Variants in PCDHGB7 observed in about 807,000 individuals in gnomAD.
The protein encoded by PCDHGB7 is protocadherin gamma-B7.
In PCDHGB7, 37 loss-of-function variants were observed where a neutral mutation model predicts 61.4. The observed-to-expected ratio is 0.60, with a 90% CI of 0.46 to 0.79. PCDHGB7 has a LOEUF of 0.79. Among genes scored for constraint, PCDHGB7 ranks in the 30% least tolerant of loss-of-function variants. PCDHGB7 has a pLI of 0.00. For missense variants in PCDHGB7, 1,166 were observed against 1,202.5 expected (o/e 0.97, Z 0.45); for synonymous variants, 464 against 503.5 (o/e 0.92, Z 1.05).
At chr5:141,436,425 G>A (rs2097823674) in intron 1 of PCDHGB7, among the ~76,000 whole-genome samples, 2 of 152,268 alleles carry the variant, frequency 1.3e-5, no homozygotes, top group Non-Finnish European at 2.9e-5. Context: ...AACAAATAAT[G>A]TACTCTGGGG....
In PCDHGB7 at chr5:141,417,784, G is replaced by T; in HGVS notation, c.-76G>T. ...CCCGGGACTCCTCCTGTCCTGGGCC[G>T]AATGCTCTTTTAGCGCGGTAGAGTG... On this transcript the variant is annotated 5_prime_UTR_variant, in exon 1 of 4. Transcript: ENST00000398594. 2 of 1,474,908 alleles carry T rather than the reference G, an allele frequency of 1.4e-6. No homozygotes were observed. The highest frequency in any genetic ancestry group is 9.0e-7 in the Non-Finnish European group (1 of 1,111,010). 91.4% of individuals were successfully genotyped at this position (1,474,908 alleles called of 1,614,324 possible). A position where few individuals can be genotyped will look rare whatever the true frequency, so the allele number is the denominator to read the frequency against.
At chr5:141,439,524 A>T (rs774174912) in intron 1 of PCDHGB7, among the ~76,000 whole-genome samples, 2 of 152,114 alleles carry the variant, frequency 1.3e-5, no homozygotes, top group Admixed American at 6.5e-5. Flanking sequence ...AACTAACTCT[A>T]CAGAACGCTG....
intron 1 of PCDHGB7, among the ~76,000 whole-genome samples, chr5:141,453,692 C>G (rs1182118927): frequency 6.6e-6 from 1 of 152,146 alleles, no homozygotes; most frequent in African/African-American, 2.4e-5. Flanking sequence ...GTAGGTAGTC[C>G]TGGCTTTGAA....
chr5:141,448,903 C>A (rs1460471063), intron 1 of PCDHGB7, among the ~76,000 whole-genome samples: 2 of 152,112 alleles, frequency 1.3e-5, no homozygotes, highest in Non-Finnish European at 2.9e-5. Context: ...CGAGATCGTG[C>A]CACTGCACTC....
chr5:141,462,253 A>C (rs7717600), intron 1 of PCDHGB7, among the ~76,000 whole-genome samples: 42,489 of 152,124 alleles, frequency 0.28, 6,669 homozygotes, highest in African/African-American at 0.43. Context: ...AGCCACCATG[A>C]CCAGCCTAAA....
intron 1 of PCDHGB7, among the ~76,000 whole-genome samples, chr5:141,445,264 G>A (rs566395616): frequency 1.4e-4 from 22 of 152,276 alleles, no homozygotes; most frequent in Admixed American, 1.4e-3. Flanking sequence ...AATATAAGTC[G>A]AAACCACTCT....
intron 1 of PCDHGB7, chr5:141,427,729 A>G (rs1176707357): frequency 8.5e-7 from 1 of 1,170,166 alleles, no homozygotes; most frequent in African/African-American, 1.5e-5. Context: ...CTAGGGCTGA[A>G]TGGCCAAGTC....
chr5:141,471,404 TTA>T (rs1320685792), intron 1 of PCDHGB7: 3 of 152,170 alleles, frequency 2.0e-5, no homozygotes, highest in Non-Finnish European at 4.4e-5. Flanking sequence ...GTAGCTAGGC[TTA>T]GTTATGTTTT....
chr5:141,502,402 A>T (rs1317862793), intron 2 of PCDHGB7, among the ~76,000 whole-genome samples: 1 of 151,976 alleles, frequency 6.6e-6, no homozygotes, highest in Admixed American at 6.6e-5. Flanking sequence ...AATGTCCCCG[A>T]ACCTGGATTT....
intron 1 of PCDHGB7, among the ~76,000 whole-genome samples, chr5:141,442,967 G>T (rs553833025): frequency 1.3e-5 from 2 of 152,220 alleles, no homozygotes; most frequent in African/African-American, 2.4e-5. Context: ...AGACATTCTG[G>T]CTGATAAAGT....
rs958652662 is a variant in PCDHGB7, at chr5:141,494,839, T to C, written c.2448T>C (p.Ser816=). 6.2e-7 allele frequency: 1 copy of C among 1,614,106 alleles called. No individual in the cohort carries two copies. Among genetic ancestry groups the C allele is most frequent in the Non-Finnish European group, 8.5e-7 (1 of 1,180,016 alleles). ...QAPPNTDWRF[S]QAQRPGTSGS... ...CGCCCAACACGGACTGGCGTTTCTC[T>C]CAGGCCCAGAGACCCGGCACCAGCG... The change falls in exon 2 of 4, where the codon TCT becomes TCC. Residue 816 remains serine (S), a synonymous_variant. Coordinates refer to ENST00000398594, the MANE Select transcript of PCDHGB7 (RefSeq NM_018927.4).
chr5:141,428,065 C>T lies in PCDHGB7; in HGVS notation c.2415+7791C>T, dbSNP rs1028782772. 6 of 1,609,086 alleles carry T rather than the reference C, an allele frequency of 3.7e-6. No individual in the cohort carries two copies. The African/African-American group carries it at 6.7e-5, about 18-fold the overall frequency. ...GTGACCAAGGTGGTGGCGGTGGACGCAGATTCGGGACACAACGCTTGGCTG... is the reference window on the plus strand; with the variant it reads ...GTGACCAAGGTGGTGGCGGTGGACGTAGATTCGGGACACAACGCTTGGCTG... On this transcript the variant is annotated intron_variant, in intron 1 of 3. Coordinates refer to ENST00000398594, the MANE Select transcript of PCDHGB7 (RefSeq NM_018927.4).
intron 1 of PCDHGB7, chr5:141,421,424 G>A: frequency 6.2e-7 from 1 of 1,614,092 alleles, no homozygotes. Context: ...CGCGGAGTCC[G>A]CATCGTCTCC....
chr5:141,426,970 A>G (rs772659046), intron 1 of PCDHGB7: 1 of 456,742 alleles, frequency 2.2e-6, no homozygotes. Context: ...ATTCAAATTG[A>G]GGTCACTGAT....
intron 1 of PCDHGB7, chr5:141,426,993 G>A (rs1331210977): frequency 1.1e-5 from 5 of 456,742 alleles, no homozygotes; most frequent in Middle Eastern, 3.3e-4. Context: ...CAACGATAAT[G>A]CCCCAGTTTT....
intron 1 of PCDHGB7, chr5:141,423,689 G>T: frequency 7.1e-7 from 1 of 1,400,130 alleles, no homozygotes; most frequent in Non-Finnish European, 9.4e-7. Context: ...CCTCCTAATT[G>T]TTGGTGTCTT....
Position 141,489,606 on chromosome 5 carries a change from G to A in PCDHGB7, c.2416-5201G>A. The stretch of plus-strand genomic sequence containing the variant: ...TGGAGCTAATCCGTGTAGAGGTAGA[G>A]ATCCTGGATCTCAATGACAACTCTC... On this transcript the variant is annotated intron_variant, in intron 1 of 3. Coordinates refer to ENST00000398594, the MANE Select transcript of PCDHGB7 (RefSeq NM_018927.4). This position sits in a 1 kb window ranked among gnomAD's most constrained non-coding sequence, Gnocchi z 4.5. The A allele has an allele frequency of 6.2e-7, 1 of 1,614,110 alleles. No homozygotes were observed.
chr5:141,422,842 G>A (rs756990417), intron 1 of PCDHGB7: 5 of 1,614,228 alleles, frequency 3.1e-6, no homozygotes, highest in South Asian at 1.1e-5. Flanking sequence ...ACGTGACAGC[G>A]GGGACCCGCC....
chr5:141,461,423 C>T lies in PCDHGB7; in HGVS notation c.2416-33384C>T, dbSNP rs1005977255. 3.9e-5 allele frequency among the ~76,000 whole-genome samples: 6 copies of T among 151,938 alleles called. No individual in the cohort carries two copies. In the South Asian group the frequency reaches 6.2e-4, roughly 16 times the overall value. On this transcript the variant is annotated intron_variant, in intron 1 of 3. Coordinates refer to ENST00000398594, the MANE Select transcript of PCDHGB7 (RefSeq NM_018927.4). ...AGCATTTTTTCATATGTTTGTGGGC[C>T]ATTTGTATACCTTCTTTTGAGAAAT... is the stretch of plus-strand genomic sequence containing the variant.
Sources: allele counts gnomAD v4.1 joint callset (sites outside exome capture counted in the v4.1 genomes callset), GRCh38; gene constraint gnomAD v4.1.1; non-coding constraint Gnocchi (gnomAD v3.1); transcripts MANE v1.5; gene names NCBI Gene and HGNC (gene_info 2026-07-23, HGNC 2026-07-21).